Variants in GTF2F2 observed in about 807,000 individuals in gnomAD.
GTF2F2 encodes the protein ATP-dependent helicase GTF2F2.
In GTF2F2, 23 loss-of-function variants were observed where a neutral mutation model predicts 42.2. The observed-to-expected ratio is 0.55, with a 90% CI of 0.39 to 0.77. GTF2F2 has a LOEUF of 0.77. Among genes scored for constraint, GTF2F2 ranks in the 30% least tolerant of loss-of-function variants. GTF2F2 has a pLI of 0.00. For missense variants in GTF2F2, 261 were observed against 287.2 expected (o/e 0.91, Z 0.66); for synonymous variants, 105 against 100.8 (o/e 1.04, Z -0.25).
intron 7 of GTF2F2, among the ~76,000 whole-genome samples, chr13:45,269,700 T>A (rs1310132974): frequency 3.3e-5 from 5 of 152,204 alleles, no homozygotes; most frequent in Non-Finnish European, 7.3e-5. Context: ...GCTCTACCAT[T>A]TAGCCAAATA....
intron 2 of GTF2F2, among the ~76,000 whole-genome samples, chr13:45,141,404 C>T (rs1184977959): frequency 6.6e-6 from 1 of 152,194 alleles, no homozygotes; most frequent in Non-Finnish European, 1.5e-5. Flanking sequence ...CATAGGGTGG[C>T]TAAACCTCCA....
chr13:45,131,104 T>G (rs1048039296), intron 1 of GTF2F2, among the ~76,000 whole-genome samples: 2 of 151,380 alleles, frequency 1.3e-5, no homozygotes, highest in Non-Finnish European at 2.9e-5. Context: ...AATACAAAAT[T>G]AGCTGAGGCA....
intron 4 of GTF2F2, among the ~76,000 whole-genome samples, chr13:45,168,775 GCTGGCTTCCTTC>G (rs1247985136): frequency 6.9e-6 from 1 of 145,620 alleles, no homozygotes; most frequent in African/African-American, 2.6e-5. Flanking sequence ...ACCACACCTG[GCTGGCTTCCTTC>G]CTTCCTTCCT....
At chr13:45,276,301 C>T (rs866780203) in intron 7 of GTF2F2, among the ~76,000 whole-genome samples, 4 of 152,138 alleles carry the variant, frequency 2.6e-5, no homozygotes, top group African/African-American at 9.7e-5. Flanking sequence ...ATTGTTTCTA[C>T]GTTGGGACTA....
At chr13:45,168,220 C>A (rs1344142696) in intron 4 of GTF2F2, among the ~76,000 whole-genome samples, 1 of 152,194 alleles carries the variant, frequency 6.6e-6, no homozygotes, top group Admixed American at 6.5e-5. Flanking sequence ...GGCATAGATG[C>A]CCCAGGTGCT....
chr13:45,183,027 A>G (rs1263968195), intron 4 of GTF2F2, among the ~76,000 whole-genome samples: 1 of 152,022 alleles, frequency 6.6e-6, no homozygotes, highest in African/African-American at 2.4e-5. Flanking sequence ...CCCTTCCTTC[A>G]GTATTATTTT....
In GTF2F2 at chr13:45,280,170, G is replaced by A. The variant is rs1021383400; in HGVS notation, c.631-3272G>A. On this transcript the variant is annotated intron_variant, in intron 7 of 7. Transcript: ENST00000340473. Reference sequence around the variant, plus strand: ...ACATATGGGAAAAACCCAGAAGCACGCAGATGCAGAAATGGGAAGCATGCG... The same window carrying A: ...ACATATGGGAAAAACCCAGAAGCACACAGATGCAGAAATGGGAAGCATGCG... Among the ~76,000 whole-genome samples, 3 of 152,212 alleles carry A rather than the reference G, an allele frequency of 2.0e-5. No homozygotes were observed. In the South Asian group the frequency reaches 6.2e-4, roughly 32 times the overall value.
In GTF2F2 at chr13:45,212,471, C is replaced by CTTTTCTTTTCT. The variant is rs374232843; in HGVS notation, c.386+4969_386+4970insTCTTTTCTTTT. Reference sequence around the variant, plus strand: ...TGTTTCTTTCTTTCTTTCTTTCTTTCTTTCTTTCTTTCTTTCTTTCTTTCT... The same window carrying CTTTTCTTTTCT: ...TGTTTCTTTCTTTCTTTCTTTCTTTCTTTTCTTTTCTTTTCTTTCTTTCTTTCTTTCTTTCT... On this transcript the variant is annotated intron_variant, in intron 5 of 7. Coordinates refer to ENST00000340473, the MANE Select transcript of GTF2F2 (RefSeq NM_004128.3). Among the ~76,000 whole-genome samples, 590 of 75,096 alleles carry CTTTTCTTTTCT rather than the reference C, an allele frequency of 7.9e-3. 29 individuals are homozygous for CTTTTCTTTTCT. Among genetic ancestry groups the CTTTTCTTTTCT allele is most frequent in the African/African-American group, 0.011 (166 of 14,538 alleles). The allele number at this position is 75,096 out of a possible 152,430, so 49.3% of individuals were successfully genotyped here. A position where few individuals can be genotyped will look rare whatever the true frequency, so the allele number is the denominator to read the frequency against.
At chr13:45,197,126 A>G (rs1314046417) in intron 4 of GTF2F2, among the ~76,000 whole-genome samples, 2 of 151,754 alleles carry the variant, frequency 1.3e-5, no homozygotes, top group Non-Finnish European at 2.9e-5. Flanking sequence ...GTATAACTGA[A>G]GCTTTGTCTT....
intron 5 of GTF2F2, among the ~76,000 whole-genome samples, chr13:45,210,148 G>A (rs568175965): frequency 6.6e-6 from 1 of 152,244 alleles, no homozygotes; most frequent in South Asian, 2.1e-4. Flanking sequence ...CACTTGCAGT[G>A]CTTCCTATAT....
chr13:45,122,280 ATGT>A lies in GTF2F2; in HGVS notation c.66+1561_66+1563del, dbSNP rs571421695. Among the ~76,000 whole-genome samples, 753 of 152,160 alleles carry A rather than the reference ATGT, an allele frequency of 4.9e-3. 8 individuals are homozygous for A. The highest frequency in any genetic ancestry group is 0.017 in the African/African-American group (696 of 41,480). ...AGATATTTATTCAGGAAAAAAAAAA[ATGT>A]TTGGCAGTGTGCAGTACGAATTAGA... On this transcript the variant is annotated intron_variant, in intron 1 of 7. Coordinates refer to ENST00000340473, the MANE Select transcript of GTF2F2 (RefSeq NM_004128.3).
intron 1 of GTF2F2, among the ~76,000 whole-genome samples, chr13:45,134,200 T>G (rs1869501324): frequency 6.6e-6 from 1 of 152,196 alleles, no homozygotes; most frequent in African/African-American, 2.4e-5. Flanking sequence ...TTTAATGGTA[T>G]TGACTACCCT....
chr13:45,144,912 A>T (rs1870119953), intron 2 of GTF2F2, among the ~76,000 whole-genome samples: 1 of 152,198 alleles, frequency 6.6e-6, no homozygotes. Context: ...CTGGCAACAT[A>T]TATGTGTGTG....
At chr13:45,255,939 C>A (rs999664531) in intron 6 of GTF2F2, among the ~76,000 whole-genome samples, 4 of 152,102 alleles carry the variant, frequency 2.6e-5, no homozygotes, top group Non-Finnish European at 4.4e-5. Context: ...AGGATATATC[C>A]TTTGACCTAG....
chr13:45,275,768 T>A (rs1447823263), intron 7 of GTF2F2, among the ~76,000 whole-genome samples: 2 of 152,198 alleles, frequency 1.3e-5, no homozygotes, highest in Non-Finnish European at 2.9e-5. Flanking sequence ...AACATACGTG[T>A]GCATGTGTCT....
chr13:45,178,924 T>C (rs1255471809), intron 4 of GTF2F2, among the ~76,000 whole-genome samples: 23 of 152,182 alleles, frequency 1.5e-4, no homozygotes, highest in Admixed American at 1.4e-3. Flanking sequence ...GCTTCACTTA[T>C]TGCCTGAGAG....
At position 45,207,472 on chromosome 13, in the gene GTF2F2, C is replaced by G; in HGVS notation, c.353C>G (p.Pro118Arg). Reference protein sequence around the residue: ...GIVVQRAECRPAASENYMRLK... With the variant: ...GIVVQRAECRRAASENYMRLK... ...GTGGTACAAAGAGCTGAATGCCGAC[C>G]AGCTGCCAGTGAAAACTACATGCGA... The change falls in exon 5 of 8, where the codon CCA becomes CGA. Residue 118 changes from proline to arginine, a missense_variant. Pro to Arg is a moderately radical substitution (Grantham distance 103, BLOSUM62 -2). Coordinates refer to ENST00000340473, the MANE Select transcript of GTF2F2 (RefSeq NM_004128.3). 6.2e-7 allele frequency: 1 copy of G among 1,611,010 alleles called. No individual in the cohort carries two copies. Among genetic ancestry groups the G allele is most frequent in the Non-Finnish European group, 8.5e-7 (1 of 1,177,318 alleles).
intron 5 of GTF2F2, among the ~76,000 whole-genome samples, chr13:45,250,051 C>CTTT (rs780347641): frequency 4.1e-3 from 412 of 100,872 alleles, no homozygotes; most frequent in African/African-American, 7.7e-3. Flanking sequence ...TGCCTTATCT[C>CTTT]TTTTTTTTTT....
chr13:45,197,072 T>A (rs554076641), intron 4 of GTF2F2, among the ~76,000 whole-genome samples: 19 of 152,130 alleles, frequency 1.2e-4, no homozygotes, highest in Non-Finnish European at 2.4e-4. Flanking sequence ...TTCTGCAAAG[T>A]TGACATGTGT....
Sources: allele counts gnomAD v4.1 joint callset (sites outside exome capture counted in the v4.1 genomes callset), GRCh38; gene constraint gnomAD v4.1.1; transcripts MANE v1.5; gene names NCBI Gene and HGNC (gene_info 2026-07-23, HGNC 2026-07-21).